ELAVL2: variants seen among roughly 807,000 people sequenced by gnomAD.
ELAVL2 encodes ELAV-like protein 2.
Under a neutral mutation model 34.6 loss-of-function variants are expected in ELAVL2, and 4 were observed. The ratio of observed to expected loss-of-function variants is 0.12; its 90% CI spans 0.06 to 0.26. The LOEUF (loss-of-function observed/expected upper bound fraction) is 0.26, where lower values mean the gene tolerates loss of function less well. ELAVL2 is among the 10% of genes least tolerant of loss of function. ELAVL2 has a pLI of 1.00. For synonymous variants in ELAVL2, 193 were observed against 154.8 expected (o/e 1.25, Z -1.83); for missense variants, 432 against 442.8 (o/e 0.98, Z 0.22).
chr9:23,697,620 C>T (rs1409040644), intron 5 of ELAVL2, among the ~76,000 whole-genome samples: 1 of 151,928 alleles, frequency 6.6e-6, no homozygotes, highest in Non-Finnish European at 1.5e-5. Flanking sequence ...ACCAAAGCTC[C>T]AATTATAACC....
At chr9:23,800,468 C>CA (rs1323247454) in intron 1 of ELAVL2, among the ~76,000 whole-genome samples, 1 of 152,172 alleles carries the variant, frequency 6.6e-6, no homozygotes, top group African/African-American at 2.4e-5. Flanking sequence ...AGAAGGACCT[C>CA]ACAAGCTGCA....
chr9:23,749,029 G>A (rs1588063843), intron 2 of ELAVL2, among the ~76,000 whole-genome samples: 1 of 152,078 alleles, frequency 6.6e-6, no homozygotes, highest in Non-Finnish European at 1.5e-5. Flanking sequence ...TTCTATCTGG[G>A]ATGATGACAA....
intron 2 of ELAVL2, among the ~76,000 whole-genome samples, chr9:23,759,669 T>A (rs750083433): frequency 1.3e-5 from 2 of 149,062 alleles, no homozygotes; most frequent in Non-Finnish European, 3.0e-5. Context: ...CACAAATTTG[T>A]TCAATTATGT....
At chr9:23,818,463 C>T (rs1253027598) in intron 1 of ELAVL2, among the ~76,000 whole-genome samples, 3 of 152,138 alleles carry the variant, frequency 2.0e-5, no homozygotes, top group Admixed American at 6.5e-5. Context: ...TAAGTACTCA[C>T]GCCAAAAATA....
At chr9:23,723,861 G>A (rs1232942631) in intron 3 of ELAVL2, among the ~76,000 whole-genome samples, 1 of 151,962 alleles carries the variant, frequency 6.6e-6, no homozygotes, top group Non-Finnish European at 1.5e-5. Flanking sequence ...CCCACCACAT[G>A]CCCCTTTCAA....
chr9:23,744,127 G>A lies in ELAVL2; in HGVS notation c.230-13002C>T, dbSNP rs183619471. 7.9e-5 allele frequency among the ~76,000 whole-genome samples: 12 copies of A among 152,244 alleles called. No homozygotes were observed. In the East Asian group the frequency reaches 2.3e-3, roughly 29 times the overall value. On this transcript the variant is annotated intron_variant, in intron 2 of 6. Transcript: ENST00000397312. Reference sequence around the variant, plus strand: ...TAACTAGCCTTATGAATTTGAGATTGGGATCTCATCTGTGGGAAAAGAAAC... The same window carrying A: ...TAACTAGCCTTATGAATTTGAGATTAGGATCTCATCTGTGGGAAAAGAAAC...
chr9:23,719,030 G>A (rs561304429), intron 3 of ELAVL2, among the ~76,000 whole-genome samples: 1 of 152,312 alleles, frequency 6.6e-6, no homozygotes, highest in South Asian at 2.1e-4. Flanking sequence ...AACCTTCACT[G>A]TACGCAATAA....
chr9:23,806,822 T>C (rs1354829467), intron 1 of ELAVL2, among the ~76,000 whole-genome samples: 3 of 152,088 alleles, frequency 2.0e-5, no homozygotes, highest in African/African-American at 7.2e-5. Context: ...AAGTGCCCAT[T>C]CCGTAACAGC....
chr9:23,778,531 G>A (rs578215586), intron 1 of ELAVL2, among the ~76,000 whole-genome samples: 4 of 152,268 alleles, frequency 2.6e-5, no homozygotes, highest in African/African-American at 9.6e-5. Flanking sequence ...CCTATAAATG[G>A]GGTGCCTTCT....
intron 1 of ELAVL2, among the ~76,000 whole-genome samples, chr9:23,770,195 G>A (rs745390464): frequency 3.8e-4 from 58 of 152,128 alleles, no homozygotes; most frequent in Non-Finnish European, 6.3e-4. Flanking sequence ...CAGTACATCA[G>A]CAATAAGTAA....
chr9:23,711,698 C>T (rs1237253739), intron 3 of ELAVL2, among the ~76,000 whole-genome samples: 1 of 152,130 alleles, frequency 6.6e-6, no homozygotes, highest in Non-Finnish European at 1.5e-5. Context: ...GCATTATATG[C>T]CTTGTTTTCT....
At chr9:23,724,399 T>C (rs1269869278) in intron 3 of ELAVL2, among the ~76,000 whole-genome samples, 1 of 152,082 alleles carries the variant, frequency 6.6e-6, no homozygotes, top group African/African-American at 2.4e-5. Context: ...CACTTTGGAG[T>C]TGGCTAAAAG....
intron 3 of ELAVL2, among the ~76,000 whole-genome samples, chr9:23,725,372 T>C (rs1411870952): frequency 1.3e-5 from 2 of 152,158 alleles, no homozygotes; most frequent in Non-Finnish European, 2.9e-5. Context: ...GCTTTAAAAC[T>C]TCCATGCCCT....
chr9:23,786,411 T>C (rs1053468978), intron 1 of ELAVL2, among the ~76,000 whole-genome samples: 11 of 152,080 alleles, frequency 7.2e-5, no homozygotes, highest in African/African-American at 2.7e-4. Flanking sequence ...GCAATATATA[T>C]TGACCCTGAG....
rs528787906 is a variant in ELAVL2 at position 23,788,022 on chromosome 9, T to C, written c.-15-25773A>G. On this transcript the variant is annotated intron_variant, in intron 1 of 6. Coordinates refer to ENST00000397312, the MANE Select transcript of ELAVL2 (RefSeq NM_004432.5). ...GATTAAAAAGGCGCAAAAAACCAGG[T>C]TGGAATCATTTTGCTGAGAGAATGA... Among the ~76,000 whole-genome samples, 4 of 152,264 alleles carry C rather than the reference T, an allele frequency of 2.6e-5. No individual in the cohort carries two copies. The East Asian group carries it at 7.7e-4, about 29-fold the overall frequency.
chr9:23,728,789 G>C (rs1035647619), intron 3 of ELAVL2, among the ~76,000 whole-genome samples: 1 of 152,060 alleles, frequency 6.6e-6, no homozygotes, highest in African/African-American at 2.4e-5. Context: ...AACAGGCAAA[G>C]GGGGTGCTAT....
intron 5 of ELAVL2, among the ~76,000 whole-genome samples, chr9:23,696,509 C>T (rs10966028): frequency 0.12 from 18,044 of 152,284 alleles, 1,173 homozygotes; most frequent in Non-Finnish European, 0.15. Context: ...CGCTCTGTCA[C>T]CCAGGCTGGA....
chr9:23,776,787 GAAA>G (rs1554734757), intron 1 of ELAVL2, among the ~76,000 whole-genome samples: 4,366 of 150,428 alleles, frequency 0.029, 81 homozygotes, highest in East Asian at 0.073. Context: ...TGCTGCTATG[GAAA>G]CTACCACTTC....
intron 1 of ELAVL2, among the ~76,000 whole-genome samples, chr9:23,819,853 T>C (rs1378346200): frequency 2.0e-5 from 3 of 152,240 alleles, no homozygotes; most frequent in Admixed American, 1.3e-4. Context: ...CCAGATGTTT[T>C]CTTCCTCTTC....
Sources: gnomAD v4.1 joint callset for allele counts (sites outside exome capture counted in the v4.1 genomes callset) on GRCh38, gnomAD v4.1.1 for gene constraint, MANE v1.5 for transcripts, NCBI Gene and HGNC (gene_info 2026-07-23, HGNC 2026-07-21) for gene names.